YLPM1: variants seen among roughly 807,000 people sequenced by gnomAD.
YLPM1 encodes YLP motif containing 1.
Under a neutral mutation model 230.0 loss-of-function variants are expected in YLPM1, and 99 were observed. The observed-to-expected ratio is 0.43, with a 90% CI of 0.37 to 0.51. The LOEUF (loss-of-function observed/expected upper bound fraction) is 0.51. Among genes scored for constraint, YLPM1 ranks in the 20% least tolerant of loss-of-function variants. The probability of loss-of-function intolerance (pLI) is 0.00; values close to 1 mark genes in which losing one functional copy is unlikely to be tolerated. For missense variants in YLPM1, 2,592 were observed against 2,707.7 expected (o/e 0.96, Z 0.95); for synonymous variants, 984 against 942.5 (o/e 1.04, Z -0.81).
intron 1 of YLPM1, 149 bp downstream of exon 1, chr14:74,764,511 G>A (rs2090892009): frequency 4.4e-6 from 5 of 1,126,436 alleles, no homozygotes; most frequent in Admixed American, 3.0e-5. Context: ...AGGGCTGACA[G>A]CTCAGCTTTT....
In YLPM1 at chr14:74,781,850, C is replaced by A. The variant is rs767037831; in HGVS notation, c.1807C>A (p.Pro603Thr). Residue 603 changes from proline to threonine, a missense_variant, in exon 4 of 21, where the codon CCA (proline) becomes ACA (threonine). This residue lies in a region of YLPM1 where 1,862 missense variants were observed against 1,819.8 expected (regional missense o/e 1.02). Coordinates refer to ENST00000325680, the MANE Select transcript of YLPM1 (RefSeq NM_019589.3). ...TTCCCTGTCTTCTGCAGGGCCACCA[C>A]CAGTTCTTCCCCCACCATCTCTCTC... ...PPSLSSAGPP[P>T]VLPPPSLSST... 1 of 1,612,790 alleles carries A rather than the reference C, an allele frequency of 6.2e-7. No individual in the cohort carries two copies. Among genetic ancestry groups the A allele is most frequent in the Non-Finnish European group, 8.5e-7 (1 of 1,179,326 alleles).
At chr14:74,815,415 A>G (rs1484962272) in intron 11 of YLPM1, among the ~76,000 whole-genome samples, 1 of 152,074 alleles carries the variant, frequency 6.6e-6, no homozygotes. Context: ...CACAAAAATT[A>G]GGCGGGCGTG....
intron 4 of YLPM1, among the ~76,000 whole-genome samples, chr14:74,790,798 ATATT>A (rs1414493437): frequency 2.6e-5 from 4 of 152,208 alleles, no homozygotes; most frequent in Non-Finnish European, 5.9e-5. Flanking sequence ...GTATTTCATT[ATATT>A]TAAAGGTGGC....
intron 6 of YLPM1, among the ~76,000 whole-genome samples, chr14:74,808,864 A>G (rs773006988): frequency 5.9e-5 from 9 of 151,588 alleles, no homozygotes; most frequent in African/African-American, 9.7e-5. Context: ...AGCATTTTCT[A>G]TAGTGGCACC....
intron 13 of YLPM1, 60 bp downstream of exon 13, chr14:74,816,750 T>C: frequency 1.3e-6 from 2 of 1,534,074 alleles, no homozygotes; most frequent in East Asian, 4.7e-5. Flanking sequence ...GGAAAATGTG[T>C]TTGGAGAGAA....
chr14:74,775,654 A>G (rs1213402942), intron 1 of YLPM1, among the ~76,000 whole-genome samples: 1 of 152,250 alleles, frequency 6.6e-6, no homozygotes, highest in East Asian at 1.9e-4. Flanking sequence ...TATAAATGAA[A>G]TCATAGCCAA....
chr14:74,791,440 A>C (rs1314368303), intron 4 of YLPM1, among the ~76,000 whole-genome samples: 2 of 152,272 alleles, frequency 1.3e-5, no homozygotes, highest in African/African-American at 4.8e-5. Context: ...CTACCCTTTC[A>C]ACCCTTCTGC....
At position 74,778,692 on chromosome 14, in the gene YLPM1, A is replaced by G. The variant is rs773679216; in HGVS notation, c.1110+9A>G. On this transcript the variant is annotated intron_variant, in intron 2 of 20. Transcript: ENST00000325680. ...CACCTGAGGAACCCCAGGTAACCAT[A>G]TAATTAATTGTTTGTGTTTATTAAA... 6.5e-6 allele frequency: 10 copies of G among 1,543,014 alleles called. No homozygotes were observed. Among genetic ancestry groups the G allele is most frequent in the Admixed American group, 2.0e-5 (1 of 50,030 alleles).
At chr14:74,773,005 C>T (rs939947555) in intron 1 of YLPM1, among the ~76,000 whole-genome samples, 3 of 152,008 alleles carry the variant, frequency 2.0e-5, no homozygotes, top group South Asian at 2.1e-4. Context: ...ACCTACAAGG[C>T]GGCCGGGCAC....
chr14:74,795,309 C>T (rs572535592), intron 4 of YLPM1, among the ~76,000 whole-genome samples: 7 of 152,154 alleles, frequency 4.6e-5, no homozygotes, highest in Non-Finnish European at 8.8e-5. Flanking sequence ...TGGATGTGTT[C>T]GTCTCTTTGA....
rs766374065 is a variant in YLPM1 at position 74,763,970 on chromosome 14, T to G, written c.481T>G (p.Ser161Ala). Reference sequence around the variant, plus strand: ...GCCGCCTGGGTCCTATATGCCCCCATCTCAGTCTTACATGCCCCCACCTCA... The same window carrying G: ...GCCGCCTGGGTCCTATATGCCCCCAGCTCAGTCTTACATGCCCCCACCTCA... ...PVPPGSYMPP[S>A]QSYMPPPQPP... Residue 161 changes from serine (S) to alanine (A), a missense_variant, in exon 1 of 21, where the codon TCT becomes GCT. Physicochemically the swap from Ser to Ala is moderately conservative, Grantham distance 99. This residue lies in a region of YLPM1 where 1,862 missense variants were observed against 1,819.8 expected (regional missense o/e 1.02). Coordinates refer to ENST00000325680, the MANE Select transcript of YLPM1 (RefSeq NM_019589.3). The G allele has an allele frequency of 9.2e-6, 12 of 1,298,414 alleles. No homozygotes were observed. The highest frequency in any genetic ancestry group is 1.2e-5 in the Non-Finnish European group (12 of 990,020). The allele number at this position is 1,298,414 out of a possible 1,614,324, so 80.4% of individuals were successfully genotyped here. A position where few individuals can be genotyped will look rare whatever the true frequency, so the allele number is the denominator to read the frequency against.
intron 19 of YLPM1, among the ~76,000 whole-genome samples, chr14:74,833,155 C>T (rs2140148330): frequency 6.6e-6 from 1 of 152,218 alleles, no homozygotes; most frequent in Middle Eastern, 3.4e-3. Flanking sequence ...ATTGTGTTTT[C>T]ACATAAATGC....
In YLPM1 at chr14:74,772,025, G is replaced by T. The variant is rs143672512; in HGVS notation, c.874-6422G>T. 1.7e-3 allele frequency among the ~76,000 whole-genome samples: 261 copies of T among 152,196 alleles called. 3 individuals carry two copies. The highest frequency in any genetic ancestry group is 0.014 in the Middle Eastern group (4 of 292). On this transcript the variant is annotated intron_variant, in intron 1 of 20. Transcript: ENST00000325680. The stretch of plus-strand genomic sequence containing the variant: ...CCCCTGCTTTAGAATATAAGACATA[G>T]AACATTGTCTTATAGGCATTTATGA...
intron 17 of YLPM1, chr14:74,821,662 G>T (rs2091521848): frequency 6.6e-6 from 1 of 152,200 alleles, no homozygotes; most frequent in Non-Finnish European, 1.5e-5. Flanking sequence ...AATGGATTTT[G>T]CTCAGGCTGA....
intron 4 of YLPM1, among the ~76,000 whole-genome samples, chr14:74,783,918 T>C (rs1004575567): frequency 3.3e-5 from 5 of 152,218 alleles, no homozygotes; most frequent in African/African-American, 1.2e-4. Flanking sequence ...CGTAACTTGC[T>C]CAGTCAGGAT....
intron 4 of YLPM1, among the ~76,000 whole-genome samples, chr14:74,796,249 G>A (rs1210077681): frequency 6.6e-6 from 1 of 152,186 alleles, no homozygotes; most frequent in Non-Finnish European, 1.5e-5. Context: ...TTAGTGTGCT[G>A]CTTTTCCACA....
intron 4 of YLPM1, among the ~76,000 whole-genome samples, chr14:74,788,459 G>A (rs954940362): frequency 1.6e-4 from 24 of 152,174 alleles, no homozygotes; most frequent in Admixed American, 1.6e-3. Flanking sequence ...GATGGTCCAG[G>A]TTCTTGCCAC....
At chr14:74,778,342 C>A in intron 1 of YLPM1, 105 bp from the exon 2 acceptor site, 1 of 984,364 alleles carries the variant, frequency 1.0e-6, no homozygotes, top group Non-Finnish European at 1.5e-6. Flanking sequence ...CCTTTTTTTA[C>A]ATATAGACAC....
At chr14:74,821,262 A>G (rs1051545698) in intron 17 of YLPM1, 125 bp downstream of exon 17, 14 of 1,332,372 alleles carry the variant, frequency 1.1e-5, no homozygotes, top group Non-Finnish European at 1.4e-5. Flanking sequence ...AGTTTCCATA[A>G]TCATCTTCAA....
Sources: gnomAD v4.1 joint callset for allele counts (sites outside exome capture counted in the v4.1 genomes callset) on GRCh38, gnomAD v4.1.1 for gene constraint, gnomAD v4.1.1 regional missense constraint, MANE v1.5 for transcripts, NCBI Gene and HGNC (gene_info 2026-07-23, HGNC 2026-07-21) for gene names.